NELL2: variants seen among roughly 807,000 people sequenced by gnomAD.
The protein encoded by NELL2 is protein kinase C-binding protein NELL2.
Under a neutral mutation model 109.6 loss-of-function variants are expected in NELL2, and 41 were observed. The ratio of observed to expected loss-of-function variants is 0.37; its 90% CI spans 0.29 to 0.49. The LOEUF (loss-of-function observed/expected upper bound fraction) is 0.49. Among genes scored for constraint, NELL2 ranks in the 20% least tolerant of loss-of-function variants. The pLI is 0.98. For synonymous variants in NELL2, 355 were observed against 344.7 expected, an observed-to-expected ratio of 1.03 and a Z score of -0.33; for missense variants, 900 against 1,008.3, an observed-to-expected ratio of 0.89 and a Z score of 1.45.
chr12:44,876,298 T>C lies in NELL2; in HGVS notation c.-429A>G. 1 of 1,162,852 alleles carries C rather than the reference T, an allele frequency of 8.6e-7. No individual in the cohort carries two copies. Among genetic ancestry groups the C allele is most frequent in the Non-Finnish European group, 1.1e-6 (1 of 941,008 alleles). The allele number at this position is 1,162,852 out of a possible 1,614,324, so 72.0% of individuals were successfully genotyped here. ...CGTCTTCCCCGCCGCCCGAACCTGT[T>C]GTAAAGGCAGAGACAATGGAGAAAG... On this transcript the variant is annotated 5_prime_UTR_variant, in exon 1 of 20. Transcript: ENST00000429094.
At chr12:44,894,907 A>T (rs899931603) in intron 1 of NELL2, among the ~76,000 whole-genome samples, 2 of 152,194 alleles carry the variant, frequency 1.3e-5, no homozygotes. Context: ...CTGATTTCTT[A>T]TCTTGTAGAA....
At chr12:44,710,985 T>C (rs1283600136) in intron 11 of NELL2, among the ~76,000 whole-genome samples, 1 of 152,154 alleles carries the variant, frequency 6.6e-6, no homozygotes, top group African/African-American at 2.4e-5. Flanking sequence ...TATTGTTGTG[T>C]AACTTTCTTT....
At chr12:44,604,032 T>C (rs1945309940) in intron 15 of NELL2, among the ~76,000 whole-genome samples, 1 of 152,104 alleles carries the variant, frequency 6.6e-6, no homozygotes, top group Non-Finnish European at 1.5e-5. Context: ...TCTGGAAGCA[T>C]CCTTTAACTT....
intron 1 of NELL2, among the ~76,000 whole-genome samples, chr12:44,905,991 G>T (rs888407787): frequency 3.3e-5 from 5 of 151,990 alleles, no homozygotes; most frequent in Admixed American, 6.6e-5. Flanking sequence ...ATTCTAAACA[G>T]TAATACGTGC....
intron 9 of NELL2, among the ~76,000 whole-genome samples, chr12:44,773,329 A>G (rs1015571327): frequency 2.0e-5 from 3 of 152,088 alleles, no homozygotes; most frequent in African/African-American, 7.2e-5. Flanking sequence ...CAAAAAAATT[A>G]GCCCGGCGTA....
chr12:44,743,081 C>T (rs566780483), intron 9 of NELL2, among the ~76,000 whole-genome samples: 3 of 152,300 alleles, frequency 2.0e-5, no homozygotes, highest in East Asian at 1.9e-4. Flanking sequence ...AAGGGAAGCA[C>T]ATCAGACTAA....
chr12:44,816,279 T>G, intron 2 of NELL2, 143 bp from the exon 3 acceptor site: 1 of 641,066 alleles, frequency 1.6e-6, no homozygotes, highest in Non-Finnish European at 2.5e-6. Context: ...TGGTAAATTA[T>G]TTTTCAAAAA....
chr12:44,857,993 C>G (rs1464651244), intron 2 of NELL2, among the ~76,000 whole-genome samples: 5 of 152,170 alleles, frequency 3.3e-5, no homozygotes, highest in Non-Finnish European at 1.5e-5. Context: ...TACACAAAAT[C>G]TAGCATTTCC....
At chr12:44,768,483 CTATT>C (rs1941421762) in intron 9 of NELL2, among the ~76,000 whole-genome samples, 1 of 151,766 alleles carries the variant, frequency 6.6e-6, no homozygotes, top group Non-Finnish European at 1.5e-5. Context: ...ATTTTCTTGC[CTATT>C]TGTCACATAT....
At chr12:44,587,887 C>T (rs537073417) in intron 15 of NELL2, among the ~76,000 whole-genome samples, 33 of 152,264 alleles carry the variant, frequency 2.2e-4, no homozygotes, top group Non-Finnish European at 4.0e-4. Flanking sequence ...CGCAGTGGCT[C>T]ACACCTGTAA....
chr12:44,571,073 A>G (rs1025290299), intron 15 of NELL2, among the ~76,000 whole-genome samples: 1 of 152,144 alleles, frequency 6.6e-6, no homozygotes, highest in Non-Finnish European at 1.5e-5. Flanking sequence ...TACTAAGAGA[A>G]AAAAGGCAGG....
intron 12 of NELL2, among the ~76,000 whole-genome samples, chr12:44,699,150 A>G (rs1441571854): frequency 6.6e-6 from 1 of 152,206 alleles, no homozygotes; most frequent in African/African-American, 2.4e-5. Flanking sequence ...GACAACTTTT[A>G]TATCTTATAT....
chr12:44,864,891 G>C (rs867924366), intron 2 of NELL2, among the ~76,000 whole-genome samples: 7 of 151,392 alleles, frequency 4.6e-5, no homozygotes, highest in Non-Finnish European at 1.0e-4. Flanking sequence ...ACCCAGTAAT[G>C]GGATGGCTGG....
intron 14 of NELL2, among the ~76,000 whole-genome samples, chr12:44,609,104 GTGTT>G (rs762742743): frequency 1.3e-5 from 2 of 151,616 alleles, no homozygotes; most frequent in African/African-American, 2.4e-5. Context: ...TTTGTACATG[GTGTT>G]TGTTTTTTGT....
At chr12:44,620,152 G>T (rs564127189) in intron 13 of NELL2, among the ~76,000 whole-genome samples, 1 of 147,610 alleles carries the variant, frequency 6.8e-6, no homozygotes, top group African/African-American at 2.5e-5. Context: ...CAAAGAAGAA[G>T]ATAGAAGTAA....
chr12:44,694,788 G>T (rs1949008220), intron 12 of NELL2, among the ~76,000 whole-genome samples: 1 of 152,080 alleles, frequency 6.6e-6, no homozygotes, highest in South Asian at 2.1e-4. Context: ...GGACTTGTGT[G>T]CTGGGTTTGC....
intron 9 of NELL2, among the ~76,000 whole-genome samples, chr12:44,768,262 A>AT (rs1285288704): frequency 1.3e-5 from 2 of 151,862 alleles, no homozygotes; most frequent in African/African-American, 4.8e-5. Context: ...ATTGGACATC[A>AT]TTTTTTATAA....
intron 9 of NELL2, among the ~76,000 whole-genome samples, chr12:44,721,020 G>A (rs1259463665): frequency 1.3e-5 from 2 of 152,092 alleles, no homozygotes; most frequent in South Asian, 2.1e-4. Context: ...TCCCAGAATA[G>A]AACAAGAGCA....
intron 3 of NELL2, among the ~76,000 whole-genome samples, chr12:44,800,986 A>C (rs1942809079): frequency 6.6e-6 from 1 of 152,186 alleles, no homozygotes; most frequent in African/African-American, 2.4e-5. Flanking sequence ...AGAAGGCAAC[A>C]GGATTCATAG....
Sources: allele counts gnomAD v4.1 joint callset (sites outside exome capture counted in the v4.1 genomes callset), GRCh38; gene constraint gnomAD v4.1.1; transcripts MANE v1.5; gene names NCBI Gene and HGNC (gene_info 2026-07-23, HGNC 2026-07-21).